Variants in NUAK2 observed in about 807,000 individuals in gnomAD.
The protein encoded by NUAK2 is NUAK family SNF1-like kinase 2.
Under a neutral mutation model 29.8 loss-of-function variants are expected in NUAK2, and 20 were observed. The ratio of observed to expected loss-of-function variants is 0.67; its 90% CI spans 0.47 to 0.98. The LOEUF (loss-of-function observed/expected upper bound fraction) is 0.98. NUAK2 is among the 50% of genes least tolerant of loss of function. The pLI is 0.00. For synonymous variants in NUAK2, 331 were observed against 342.6 expected (o/e 0.97, Z 0.37); for missense variants, 719 against 834.5 (o/e 0.86, Z 1.71).
intron 1 of NUAK2, among the ~76,000 whole-genome samples, chr1:205,312,061 C>A (rs559578861): frequency 1.3e-5 from 2 of 152,170 alleles, no homozygotes; most frequent in African/African-American, 4.8e-5. Flanking sequence ...ATCGACAAGT[C>A]ACCTCCTTAT....
intron 4 of NUAK2, among the ~76,000 whole-genome samples, chr1:205,306,842 T>G (rs1662187957): frequency 6.6e-6 from 1 of 152,096 alleles, no homozygotes; most frequent in South Asian, 2.1e-4. Flanking sequence ...AGCCAGCACC[T>G]CATGATAATG....
At chr1:205,310,714 A>G (rs765376422) in intron 2 of NUAK2, among the ~76,000 whole-genome samples, 6 of 152,124 alleles carry the variant, frequency 3.9e-5, no homozygotes, top group Non-Finnish European at 8.8e-5. Flanking sequence ...CCCAATCACC[A>G]CACTCAGCCT....
At chr1:205,305,080 A>G in intron 6 of NUAK2, 119 bp downstream of exon 6, 1 of 1,329,596 alleles carries the variant, frequency 7.5e-7, no homozygotes. Context: ...ACCCTAACCT[A>G]CCATGGGCCA....
rs1484562845 is a variant in NUAK2 at position 205,308,302 on chromosome 1, A to G, written c.505-72T>C. ...AGATGATGAGGGGCCCAGTCTGGAG[A>G]CTGAGGTAAACACAAAGGGAGCCAA... On this transcript the variant is annotated intron_variant, in intron 3 of 6. Coordinates refer to ENST00000367157, the MANE Select transcript of NUAK2 (RefSeq NM_030952.3). The surrounding 1 kb of genome is among the most constrained non-coding windows in gnomAD (Gnocchi z 4.1). The G allele has an allele frequency of 8.6e-7, 1 of 1,167,628 alleles. No individual in the cohort carries two copies. The highest frequency in any genetic ancestry group is 1.2e-6 in the Non-Finnish European group (1 of 813,186). 72.3% of individuals were successfully genotyped at this position (1,167,628 alleles called of 1,614,324 possible). A position where few individuals can be genotyped will look rare whatever the true frequency, so the allele number is the denominator to read the frequency against.
chr1:205,311,850 A>C, intron 1 of NUAK2, 25 bp from the exon 2 acceptor site: 1 of 1,612,608 alleles, frequency 6.2e-7, no homozygotes, highest in Non-Finnish European at 8.5e-7. Flanking sequence ...CATGAGAGTG[A>C]GGAGAAAGGT....
Position 205,304,510 on chromosome 1 carries a change from G to C in NUAK2, c.827C>G (p.Ala276Gly), listed in dbSNP as rs1010363052. The change falls in exon 7 of 7, where the codon GCC becomes GGC. Residue 276 changes from alanine to glycine, a missense_variant. Physicochemically the swap from Ala to Gly is moderately conservative, Grantham distance 60. Transcript: ENST00000367157. The surrounding 1 kb of genome is among the most constrained non-coding windows in gnomAD (Gnocchi z 6.5). ...CAACAGCCACCGGATCAGGCCACAG[G>C]CATCTGGAAGACAAAAGGCAGGTGC... is the stretch of plus-strand genomic sequence containing the variant. ...AYREPPKPSDACGLIRWLLMV... is the reference protein window; with the variant it reads ...AYREPPKPSDGCGLIRWLLMV... 1 of 1,507,092 alleles carries C rather than the reference G, an allele frequency of 6.6e-7. No individual in the cohort carries two copies. The highest frequency in any genetic ancestry group is 1.4e-5 in the African/African-American group (1 of 71,504). 93.4% of individuals were successfully genotyped at this position (1,507,092 alleles called of 1,614,324 possible). A position where few individuals can be genotyped will look rare whatever the true frequency, so the allele number is the denominator to read the frequency against.
rs1460016774 is a variant in NUAK2 at position 205,303,499 on chromosome 1, A to T, written c.1838T>A (p.Val613Glu). 6.2e-7 allele frequency: 1 copy of T among 1,609,164 alleles called. No homozygotes were observed. ...SCFSLTDCQE[V>E]TATYRQALRV... ...CAGTGCCTGTCGGTAGGTCGCTGTCACCTCCTGGCAGTCTGTCAGGGAAAA... is the reference window on the plus strand; with the variant it reads ...CAGTGCCTGTCGGTAGGTCGCTGTCTCCTCCTGGCAGTCTGTCAGGGAAAA... Residue 613 changes from valine to glutamate, a missense_variant, in exon 7 of 7, where the codon GTG becomes GAG. Val to Glu is a moderately radical substitution (Grantham distance 121). Coordinates refer to ENST00000367157, the MANE Select transcript of NUAK2 (RefSeq NM_030952.3).
intron 1 of NUAK2, among the ~76,000 whole-genome samples, chr1:205,318,367 A>T (rs1367484281): frequency 6.6e-6 from 1 of 152,192 alleles, no homozygotes; most frequent in Non-Finnish European, 1.5e-5. Flanking sequence ...GCTCATCTCA[A>T]GACCAACTCC....
At chr1:205,306,375 C>T (rs942728683) in intron 4 of NUAK2, 68 bp from the exon 5 acceptor site, 22 of 1,544,008 alleles carry the variant, frequency 1.4e-5, no homozygotes, top group African/African-American at 8.3e-5. Flanking sequence ...GCTCTTGGCC[C>T]GCCCTTCTCC....
rs749648290 is a variant in NUAK2 at position 205,321,570 on chromosome 1, G to A, written c.59C>T (p.Ala20Val). 1.2e-6 allele frequency: 2 copies of A among 1,613,310 alleles called. No homozygotes were observed. Among genetic ancestry groups the A allele is most frequent in the East Asian group, 4.5e-5 (2 of 44,876 alleles). The change falls in exon 1 of 7, where the codon GCC (alanine) becomes GTC (valine). Residue 20 changes from alanine (A) to valine (V), a missense_variant. Ala to Val is a moderately conservative substitution (Grantham distance 64). Around this residue, in one of 3 missense-constraint regions of NUAK2, gnomAD observed 283 missense variants for 345.6 expected, o/e 0.82. Coordinates refer to ENST00000367157, the MANE Select transcript of NUAK2 (RefSeq NM_030952.3). ...GATCAGCCCTTCCGCCAGCGGCCGGGCTAGCTCTGCGGCCGAGGGAGTGGG... is the reference window on the plus strand; with the variant it reads ...GATCAGCCCTTCCGCCAGCGGCCGGACTAGCTCTGCGGCCGAGGGAGTGGG... ...SGPTPSAAEL[A>V]RPLAEGLIKS...
chr1:205,311,842 T>A lies in NUAK2; in HGVS notation c.232-17A>T. On this transcript the variant is annotated splice_polypyrimidine_tract_variant and intron_variant, in intron 1 of 6. Transcript: ENST00000367157. ...GATGGCCACCTGGGAAGAGAAGGCATGAGAGTGAGGAGAAAGGTTTGGCAG... is the reference window on the plus strand; with the variant it reads ...GATGGCCACCTGGGAAGAGAAGGCAAGAGAGTGAGGAGAAAGGTTTGGCAG... 1.2e-6 allele frequency: 2 copies of A among 1,613,162 alleles called. No individual in the cohort carries two copies. Among genetic ancestry groups the A allele is most frequent in the Non-Finnish European group, 1.7e-6 (2 of 1,179,808 alleles).
Position 205,304,524 on chromosome 1 carries a change from A to C in NUAK2, c.824-11T>G. 1 of 1,500,808 alleles carries C rather than the reference A, an allele frequency of 6.7e-7. No individual in the cohort carries two copies. The highest frequency in any genetic ancestry group is 1.4e-5 in the South Asian group (1 of 73,054). The allele number at this position is 1,500,808 out of a possible 1,614,324, so 93.0% of individuals were successfully genotyped here. ...TCAGGCCACAGGCATCTGGAAGACA[A>C]AAGGCAGGTGCTTCAGTTTGGCAGC... is the stretch of plus-strand genomic sequence containing the variant. On this transcript the variant is annotated splice_polypyrimidine_tract_variant and intron_variant, in intron 6 of 6. Coordinates refer to ENST00000367157, the MANE Select transcript of NUAK2 (RefSeq NM_030952.3). The surrounding 1 kb of genome is among the most constrained non-coding windows in gnomAD (Gnocchi z 6.5).
At chr1:205,317,906 G>T (rs1248237301) in intron 1 of NUAK2, among the ~76,000 whole-genome samples, 1 of 152,210 alleles carries the variant, frequency 6.6e-6, no homozygotes, top group African/African-American at 2.4e-5. Context: ...CCTCCAGGAC[G>T]CAGGGATTCC....
chr1:205,321,106 G>C (rs185056996), intron 1 of NUAK2, among the ~76,000 whole-genome samples: 2 of 152,278 alleles, frequency 1.3e-5, no homozygotes, highest in African/African-American at 4.8e-5. Context: ...CCCAGGACAC[G>C]ACACGATTCG....
At chr1:205,320,308 A>G (rs1662393798) in intron 1 of NUAK2, among the ~76,000 whole-genome samples, 1 of 151,958 alleles carries the variant, frequency 6.6e-6, no homozygotes, top group Non-Finnish European at 1.5e-5. Context: ...TCTGTTGCCC[A>G]GGCTGGAGTG....
chr1:205,306,399 A>G (rs1662181085), intron 4 of NUAK2, 92 bp from the exon 5 acceptor site: 1 of 1,478,312 alleles, frequency 6.8e-7, no homozygotes, highest in Admixed American at 2.3e-5. Context: ...CCCTGGGGAA[A>G]CCCAAGCTCC....
rs745789318 is a variant in NUAK2 at position 205,311,692 on chromosome 1, G to C, written c.352+13C>G. On this transcript the variant is annotated intron_variant, in intron 2 of 6. Transcript: ENST00000367157. ...ATAGACCCCCAAGTTCCAGCTTTAA[G>C]TGCCCACTGTACCTTCATGGATGGC... The C allele has an allele frequency of 6.8e-6, 11 of 1,613,786 alleles. No homozygotes were observed. The highest frequency in any genetic ancestry group is 8.5e-6 in the Non-Finnish European group (10 of 1,179,838).
At chr1:205,312,696 C>A (rs139052406) in intron 1 of NUAK2, among the ~76,000 whole-genome samples, 3 of 151,890 alleles carry the variant, frequency 2.0e-5, no homozygotes, top group Non-Finnish European at 2.9e-5. Context: ...CAGCTATAGG[C>A]GCGTGCTGAG....
At chr1:205,313,497 C>T (rs1205116373) in intron 1 of NUAK2, among the ~76,000 whole-genome samples, 1 of 152,152 alleles carries the variant, frequency 6.6e-6, no homozygotes, top group Admixed American at 6.5e-5. Context: ...TCTGAGCCAC[C>T]GAGGGTCTCG....
Sources: gnomAD v4.1 joint callset for allele counts (sites outside exome capture counted in the v4.1 genomes callset) on GRCh38, gnomAD v4.1.1 for gene constraint, gnomAD v4.1.1 regional missense constraint, Gnocchi (gnomAD v3.1) non-coding constraint, MANE v1.5 for transcripts, NCBI Gene and HGNC (gene_info 2026-07-23, HGNC 2026-07-21) for gene names.